The following DOP1B variants were observed in gnomAD, a reference collection of about 807,000 sequenced individuals.
DOP1B encodes protein DOP1B.
A neutral mutation model predicts 233.5 loss-of-function variants in DOP1B; 174 were observed. The ratio of observed to expected loss-of-function variants is 0.75; its 90% CI spans 0.66 to 0.85. The LOEUF (loss-of-function observed/expected upper bound fraction) is 0.85. Among genes scored for constraint, DOP1B ranks in the 40% least tolerant of loss-of-function variants. The pLI is 0.00. For missense variants in DOP1B, 2,652 were observed against 2,846.6 expected, an observed-to-expected ratio of 0.93 and a Z score of 1.56; for synonymous variants, 1,190 against 1,185.6, an observed-to-expected ratio of 1.00 and a Z score of -0.08.
intron 4 of DOP1B, among the ~76,000 whole-genome samples, chr21:36,203,372 C>T (rs1268565088): frequency 6.6e-6 from 1 of 152,166 alleles, no homozygotes; most frequent in Admixed American, 6.5e-5. Context: ...GTTGCTATAT[C>T]CATTTCAGTC....
chr21:36,199,710 G>A (rs1029273238), intron 3 of DOP1B, among the ~76,000 whole-genome samples: 10 of 152,124 alleles, frequency 6.6e-5, no homozygotes, highest in African/African-American at 2.4e-4. Context: ...CCTTGCGATA[G>A]TTTGCTGAGA....
chr21:36,248,827 G>A (rs1379865533), intron 21 of DOP1B, among the ~76,000 whole-genome samples: 3 of 152,090 alleles, frequency 2.0e-5, no homozygotes, highest in Admixed American at 6.6e-5. Flanking sequence ...AGTCTTGGCC[G>A]GGCATGGTAG....
chr21:36,197,725 C>T (rs2123465796), intron 2 of DOP1B, among the ~76,000 whole-genome samples: 1 of 152,178 alleles, frequency 6.6e-6, no homozygotes, highest in South Asian at 2.1e-4. Flanking sequence ...GAAACGTGAA[C>T]TTGGCCAGAT....
chr21:36,195,998 T>G (rs2066286460), intron 2 of DOP1B, among the ~76,000 whole-genome samples: 1 of 152,254 alleles, frequency 6.6e-6, no homozygotes, highest in South Asian at 2.1e-4. Context: ...ATTCTATTCA[T>G]CTTGTTGGCC....
At chr21:36,170,588 T>C (rs2065963040) in intron 2 of DOP1B, 1 of 147,526 alleles carries the variant, frequency 6.8e-6, no homozygotes, top group East Asian at 2.0e-4. Flanking sequence ...AGAGTGAGAC[T>C]CTGTCTAAAT....
At chr21:36,244,979 C>T (rs2066937846) in intron 18 of DOP1B, 69 bp from the exon 19 acceptor site, 3 of 1,465,808 alleles carry the variant, frequency 2.0e-6, no homozygotes, top group South Asian at 1.4e-5. Context: ...AAGACAAAGA[C>T]CGCCCTACAG....
At position 36,293,446 on chromosome 21, in the gene DOP1B, A is replaced by G. The variant is rs1226458598; in HGVS notation, c.6772A>G (p.Arg2258Gly). The change falls in exon 37 of 37, where the codon AGA (arginine) becomes GGA (glycine). Residue 2258 changes from arginine to glycine, a missense_variant. Coordinates refer to ENST00000691173, the MANE Select transcript of DOP1B (RefSeq NM_001320714.2). ...TCTAAATGGTGCATTTAAGACCCAG[A>G]GACAGCTGCCTGCTGATAGCCCAGG... The part of the protein sequence containing the change: ...MTLNGAFKTQ[R>G]QLPADSPGTP... The G allele has an allele frequency of 6.2e-7, 1 of 1,614,092 alleles. No individual in the cohort carries two copies. Among genetic ancestry groups the G allele is most frequent in the Non-Finnish European group, 8.5e-7 (1 of 1,180,048 alleles).
At chr21:36,232,246 G>A (rs2066776077) in intron 14 of DOP1B, among the ~76,000 whole-genome samples, 1 of 152,158 alleles carries the variant, frequency 6.6e-6, no homozygotes, top group Non-Finnish European at 1.5e-5. Flanking sequence ...GCCTCCCAAA[G>A]TGCTGGGATT....
Position 36,164,867 on chromosome 21 carries a change from ACAAGG to A in DOP1B, c.135_138+1del. The A allele has an allele frequency of 6.2e-7, 1 of 1,610,222 alleles. No individual in the cohort carries two copies. The highest frequency in any genetic ancestry group is 8.5e-7 in the Non-Finnish European group (1 of 1,178,404). ...CTCATATCTTCACTTGGCAAACTCA[ACAAGG>A]TATGTAGGGTGTATCCTATTTGGAT... On this transcript the variant is annotated splice_donor_variant and coding_sequence_variant, in exon 2 of 37. Transcript: ENST00000691173. LOFTEE classifies it high-confidence loss of function.
At chr21:36,193,131 G>T (rs1473156657) in intron 2 of DOP1B, among the ~76,000 whole-genome samples, 1 of 152,222 alleles carries the variant, frequency 6.6e-6, no homozygotes, top group African/African-American at 2.4e-5. Flanking sequence ...TTGAAGGGGT[G>T]AATAAGTAAT....
chr21:36,161,277 C>G (rs1424046082), intron 1 of DOP1B, among the ~76,000 whole-genome samples: 1 of 152,070 alleles, frequency 6.6e-6, no homozygotes, highest in Non-Finnish European at 1.5e-5. Context: ...TCCTGAATAG[C>G]TGGGATTACA....
chr21:36,290,482 G>A (rs1421491220), intron 35 of DOP1B, among the ~76,000 whole-genome samples: 1 of 151,642 alleles, frequency 6.6e-6, no homozygotes, highest in East Asian at 1.9e-4. Flanking sequence ...CCAACATGGT[G>A]AAAAACCCTG....
At chr21:36,206,223 A>G (rs1045902073) in intron 4 of DOP1B, among the ~76,000 whole-genome samples, 2 of 152,118 alleles carry the variant, frequency 1.3e-5, no homozygotes, top group Middle Eastern at 3.2e-3. Context: ...TTTTTTTTAG[A>G]ATAAAATGAG....
chr21:36,227,293 A>G (rs1318427126), intron 12 of DOP1B, among the ~76,000 whole-genome samples: 1 of 152,022 alleles, frequency 6.6e-6, no homozygotes, highest in South Asian at 2.1e-4. Context: ...CACGCCTGTA[A>G]TTCCAGCACT....
chr21:36,289,020 C>T (rs377528024), intron 34 of DOP1B, 25 bp from the exon 35 acceptor site: 64 of 1,608,120 alleles, frequency 4.0e-5, no homozygotes, highest in Non-Finnish European at 4.8e-5. Context: ...GAATTTATAA[C>T]AAGCGTTTCT....
intron 2 of DOP1B, among the ~76,000 whole-genome samples, chr21:36,174,079 G>GGT (rs2065998873): frequency 6.6e-6 from 1 of 152,126 alleles, no homozygotes; most frequent in African/African-American, 2.4e-5. Context: ...GCCTCCTGAT[G>GGT]GTGTGTTTCA....
chr21:36,255,719 A>G (rs1045530167), intron 23 of DOP1B, among the ~76,000 whole-genome samples: 1 of 152,200 alleles, frequency 6.6e-6, no homozygotes, highest in Non-Finnish European at 1.5e-5. Context: ...GGCGAGAGCC[A>G]CCATGCCTGG....
At chr21:36,243,803 G>A (rs1218672712) in intron 18 of DOP1B, among the ~76,000 whole-genome samples, 1 of 151,852 alleles carries the variant, frequency 6.6e-6, no homozygotes, top group East Asian at 1.9e-4. Flanking sequence ...CTCCCGAGTA[G>A]CTAGGACTAC....
At chr21:36,286,637 AAAACAC>A (rs754029000) in intron 32 of DOP1B, among the ~76,000 whole-genome samples, 15 of 69,430 alleles carry the variant, frequency 2.2e-4, no homozygotes, top group African/African-American at 8.3e-4. Flanking sequence ...CTCCATCTCA[AAAACAC>A]ACACACACAC....
Sources: gnomAD v4.1 joint callset for allele counts (sites outside exome capture counted in the v4.1 genomes callset) on GRCh38, gnomAD v4.1.1 for gene constraint, MANE v1.5 for transcripts, NCBI Gene and HGNC (gene_info 2026-07-23, HGNC 2026-07-21) for gene names.